PLCB4: variants seen among roughly 807,000 people sequenced by gnomAD.
The protein encoded by PLCB4 is 1-phosphatidylinositol 4,5-bisphosphate phosphodiesterase beta-4.
PLCB4 carries 77 observed loss-of-function variants against 178.8 expected under a neutral mutation model. The observed-to-expected ratio is 0.43, with a 90% CI of 0.36 to 0.52. PLCB4 has a LOEUF of 0.52. Among genes scored for constraint, PLCB4 ranks in the 20% least tolerant of loss-of-function variants. PLCB4 has a pLI of 0.00. For synonymous variants in PLCB4, 496 were observed against 490.8 expected (o/e 1.01, Z -0.14); for missense variants, 1,024 against 1,453.4 (o/e 0.70, Z 4.80).
At chr20:9,301,045 A>ACATCACT (rs1806986248) in intron 3 of PLCB4, among the ~76,000 whole-genome samples, 1 of 151,514 alleles carries the variant, frequency 6.6e-6, no homozygotes, top group African/African-American at 2.4e-5. Flanking sequence ...AACTGTGGCT[A>ACATCACT]CATCACTCTA....
chr20:9,113,402 G>A lies in PLCB4; in HGVS notation c.-79+17060G>A, dbSNP rs151011486. The stretch of plus-strand genomic sequence containing the variant: ...ACATTCTGATTGTGCAGAAGTGCCC[G>A]CGGGATGTGTAGTCTACATTCTAAG... On this transcript the variant is annotated intron_variant, in intron 2 of 39. Transcript: ENST00000378473. Among the ~76,000 whole-genome samples, 16 of 152,250 alleles carry A rather than the reference G, an allele frequency of 1.1e-4. No homozygotes were observed. In the East Asian group the frequency reaches 2.5e-3, roughly 24 times the overall value.
intron 4 of PLCB4, 98 bp from the exon 5 acceptor site, chr20:9,337,027 GA>G (rs1252376219): frequency 5.1e-6 from 4 of 778,768 alleles, no homozygotes; most frequent in East Asian, 2.5e-5. Context: ...ACATACAAAA[GA>G]GTGATTTCTA....
intron 4 of PLCB4, among the ~76,000 whole-genome samples, chr20:9,324,901 A>C (rs2030191306): frequency 6.6e-6 from 1 of 152,192 alleles, no homozygotes; most frequent in Admixed American, 6.5e-5. Context: ...TTAAATGAGA[A>C]ATGCATATAT....
intron 7 of PLCB4, among the ~76,000 whole-genome samples, chr20:9,352,745 A>G (rs2034460010): frequency 6.6e-6 from 1 of 152,216 alleles, no homozygotes; most frequent in Non-Finnish European, 1.5e-5. Context: ...TCTTGCACAA[A>G]TACTCATTCA....
intron 3 of PLCB4, among the ~76,000 whole-genome samples, chr20:9,300,730 A>G (rs111642083): frequency 8.5e-5 from 13 of 152,122 alleles, no homozygotes; most frequent in African/African-American, 2.9e-4. Flanking sequence ...AGTTGAACAC[A>G]CATGTTGAAT....
intron 28 of PLCB4, among the ~76,000 whole-genome samples, chr20:9,428,867 G>T (rs1306377760): frequency 6.6e-6 from 1 of 152,116 alleles, no homozygotes; most frequent in Non-Finnish European, 1.5e-5. Context: ...GAGTTCTCCT[G>T]AAAAGCCAAT....
At chr20:9,383,301 G>A (rs983004452) in intron 13 of PLCB4, among the ~76,000 whole-genome samples, 3 of 152,178 alleles carry the variant, frequency 2.0e-5, no homozygotes, top group African/African-American at 7.2e-5. Flanking sequence ...TCTTTTACAT[G>A]TAAGTCAAAT....
intron 3 of PLCB4, among the ~76,000 whole-genome samples, chr20:9,256,044 T>C (rs1476543005): frequency 6.6e-6 from 1 of 152,120 alleles, no homozygotes; most frequent in Non-Finnish European, 1.5e-5. Flanking sequence ...AAAGGAAGTT[T>C]TATAAAGGAG....
intron 7 of PLCB4, among the ~76,000 whole-genome samples, chr20:9,355,758 T>G (rs1424585162): frequency 6.6e-6 from 1 of 151,852 alleles, no homozygotes; most frequent in Admixed American, 6.6e-5. Context: ...AATAAACATA[T>G]GTGTGCATGT....
intron 1 of PLCB4, among the ~76,000 whole-genome samples, chr20:9,093,826 G>A (rs1340243063): frequency 2.6e-5 from 4 of 152,062 alleles, no homozygotes; most frequent in Non-Finnish European, 5.9e-5. Flanking sequence ...GATTTTACTT[G>A]TGGGTGACTT....
chr20:9,442,516 C>A lies in PLCB4; in HGVS notation c.2765-1465C>A, dbSNP rs548022948. Among the ~76,000 whole-genome samples, 262 of 140,222 alleles carry A rather than the reference C, an allele frequency of 1.9e-3. 2 individuals are homozygous for A. The South Asian group carries it at 0.023, about 12-fold the overall frequency. 92.0% of individuals were successfully genotyped at this position (140,222 alleles called of 152,430 possible). A position where few individuals can be genotyped will look rare whatever the true frequency, so the allele number is the denominator to read the frequency against. On this transcript the variant is annotated intron_variant, in intron 30 of 39. Coordinates refer to ENST00000378473, the MANE Select transcript of PLCB4 (RefSeq NM_001377142.1). Reference sequence around the variant, plus strand: ...CCTTTTAATCAAGACTTAGTTGAACCAAGACAAAAAGAAAATAAAAATTGA... The same window carrying A: ...CCTTTTAATCAAGACTTAGTTGAACAAAGACAAAAAGAAAATAAAAATTGA...
At position 9,290,032 on chromosome 20, in the gene PLCB4, A is replaced by G. The variant is rs1044134841; in HGVS notation, c.-15-17768A>G. ...CATTTCTCATTACTGCAGAAGGTCC[A>G]GCATCTCTTGCCTAATGAGAATGTC... On this transcript the variant is annotated intron_variant, in intron 3 of 39. Coordinates refer to ENST00000378473, the MANE Select transcript of PLCB4 (RefSeq NM_001377142.1). 2.0e-5 allele frequency among the ~76,000 whole-genome samples: 3 copies of G among 152,134 alleles called. No homozygotes were observed. In the South Asian group the frequency reaches 6.2e-4, roughly 32 times the overall value.
intron 2 of PLCB4, among the ~76,000 whole-genome samples, chr20:9,138,536 C>T (rs754110487): frequency 6.6e-6 from 1 of 152,060 alleles, no homozygotes; most frequent in African/African-American, 2.4e-5. Flanking sequence ...CAGCTTTGCT[C>T]AGATTTGTGT....
intron 3 of PLCB4, among the ~76,000 whole-genome samples, chr20:9,227,993 G>T (rs147173507): frequency 6.6e-6 from 1 of 152,126 alleles, no homozygotes; most frequent in Non-Finnish European, 1.5e-5. Context: ...TTTGCTTAAA[G>T]TTTTACATTC....
At chr20:9,154,364 G>T (rs771485093) in intron 2 of PLCB4, among the ~76,000 whole-genome samples, 1 of 152,168 alleles carries the variant, frequency 6.6e-6, no homozygotes, top group Non-Finnish European at 1.5e-5. Context: ...ACTGATGATG[G>T]AGAGGAGAAT....
At chr20:9,372,928 C>T in intron 11 of PLCB4, 119 bp from the exon 12 acceptor site, 1 of 517,870 alleles carries the variant, frequency 1.9e-6, no homozygotes, top group Non-Finnish European at 3.5e-6. Context: ...AAGAATTCAC[C>T]ACTACTTCAG....
At chr20:9,284,461 A>G (rs2094520100) in intron 3 of PLCB4, among the ~76,000 whole-genome samples, 2 of 151,984 alleles carry the variant, frequency 1.3e-5, no homozygotes, top group South Asian at 4.1e-4. Flanking sequence ...AGCGTGTTGT[A>G]TAGATTGGCT....
intron 9 of PLCB4, among the ~76,000 whole-genome samples, chr20:9,367,379 C>A (rs2035875077): frequency 6.6e-6 from 1 of 152,078 alleles, no homozygotes; most frequent in South Asian, 2.1e-4. Flanking sequence ...TAATAACTTG[C>A]TAGCAAGTCA....
At chr20:9,315,349 C>T (rs546952631) in intron 4 of PLCB4, among the ~76,000 whole-genome samples, 22 of 152,226 alleles carry the variant, frequency 1.4e-4, no homozygotes, top group African/African-American at 3.1e-4. Context: ...ATCCATGGTG[C>T]GAACCACTGC....
Sources: gnomAD v4.1 joint callset for allele counts (sites outside exome capture counted in the v4.1 genomes callset) on GRCh38, gnomAD v4.1.1 for gene constraint, MANE v1.5 for transcripts, NCBI Gene and HGNC (gene_info 2026-07-23, HGNC 2026-07-21) for gene names.